RPAP2: variants seen among roughly 807,000 people sequenced by gnomAD.
The protein encoded by RPAP2 is putative RNA polymerase II subunit B1 CTD phosphatase RPAP2.
Under a neutral mutation model 73.1 loss-of-function variants are expected in RPAP2, and 52 were observed. The observed-to-expected ratio is 0.71, with a 90% CI of 0.57 to 0.90. RPAP2 has a LOEUF of 0.90. Ranked by LOEUF, RPAP2 falls within the 40% of genes least tolerant of loss-of-function variation. The probability of loss-of-function intolerance (pLI) is 0.00; values close to 1 mark genes in which losing one functional copy is unlikely to be tolerated. For synonymous variants in RPAP2, 225 were observed against 242.1 expected (o/e 0.93, Z 0.65); for missense variants, 598 against 701.8 (o/e 0.85, Z 1.67).
rs568819573 is a variant in RPAP2, at chr1:92,325,834, A to G, written c.1455+1459A>G. ...CTTGGTGTCCAGTTTATTTCATGCA[A>G]TATTATACTTTTGAGTCATTTGTGT... On this transcript the variant is annotated intron_variant, in intron 8 of 12. Transcript: ENST00000610020. 1.4e-3 allele frequency among the ~76,000 whole-genome samples: 219 copies of G among 152,076 alleles called. 1 individual carries two copies. The highest frequency in any genetic ancestry group is 0.01 in the South Asian group (50 of 4,814).
intron 8 of RPAP2, among the ~76,000 whole-genome samples, chr1:92,329,985 A>G (rs1303192818): frequency 6.6e-6 from 1 of 152,242 alleles, no homozygotes; most frequent in African/African-American, 2.4e-5. Flanking sequence ...TACACTAATC[A>G]TAGTTTGAGA....
chr1:92,373,295 A>C (rs1193685221), intron 11 of RPAP2, among the ~76,000 whole-genome samples: 1 of 152,218 alleles, frequency 6.6e-6, no homozygotes, highest in African/African-American at 2.4e-5. Context: ...CCTCTAAAGA[A>C]GCCTCTAAAG....
chr1:92,299,260 C>T (rs1452118133), intron 1 of RPAP2, 114 bp downstream of exon 1: 1 of 550,184 alleles, frequency 1.8e-6, no homozygotes. Flanking sequence ...GAGGGGTTCT[C>T]CCAGGTAGAG....
chr1:92,339,150 C>T (rs1388591727), intron 10 of RPAP2, among the ~76,000 whole-genome samples: 1 of 151,942 alleles, frequency 6.6e-6, no homozygotes, highest in African/African-American at 2.4e-5. Flanking sequence ...TTTGATGTCT[C>T]TTTTTTAAAA....
chr1:92,362,118 A>T (rs1654757919), intron 11 of RPAP2, among the ~76,000 whole-genome samples: 1 of 152,230 alleles, frequency 6.6e-6, no homozygotes, highest in African/African-American at 2.4e-5. Flanking sequence ...ATAGCCTTGC[A>T]AACTTAAATG....
rs112339166 is a variant in RPAP2 at position 92,303,795 on chromosome 1, A to C, written c.235-182A>C. On this transcript the variant is annotated intron_variant, in intron 3 of 12. Coordinates refer to ENST00000610020, the MANE Select transcript of RPAP2 (RefSeq NM_024813.3). ...ATAACTTTTTTTTTGAATGCTCACT[A>C]TATGTTGAGCACTTCTCTAAGTGAT... 7.8e-3 allele frequency among the ~76,000 whole-genome samples: 1,183 copies of C among 152,204 alleles called. 6 individuals are homozygous for C. The highest frequency in any genetic ancestry group is 0.027 in the African/African-American group (1,134 of 41,534).
At chr1:92,335,752 A>G (rs61410146) in intron 9 of RPAP2, among the ~76,000 whole-genome samples, 5,626 of 152,254 alleles carry the variant, frequency 0.037, 266 homozygotes, top group African/African-American at 0.11. Context: ...TTAAATGGGT[A>G]TAGCATAATT....
intron 11 of RPAP2, among the ~76,000 whole-genome samples, chr1:92,372,749 A>T (rs952772897): frequency 1.1e-4 from 17 of 152,124 alleles, no homozygotes; most frequent in African/African-American, 3.4e-4. Context: ...CACTAAAAAA[A>T]TTTTTTTAAA....
chr1:92,320,156 AACTTTATTGG>A (rs763073684), intron 6 of RPAP2, among the ~76,000 whole-genome samples: 21 of 152,176 alleles, frequency 1.4e-4, no homozygotes, highest in Non-Finnish European at 2.9e-4. Context: ...AGTCAAGGAA[AACTTTATTGG>A]GCTGGTGGAA....
chr1:92,321,965 A>G (rs1329295086), intron 7 of RPAP2, among the ~76,000 whole-genome samples: 1 of 144,978 alleles, frequency 6.9e-6, no homozygotes, highest in African/African-American at 2.5e-5. Context: ...TTTTTTTTCA[A>G]GACAGAGTCT....
chr1:92,313,198 A>T (rs1361896285), intron 6 of RPAP2, among the ~76,000 whole-genome samples: 1 of 152,170 alleles, frequency 6.6e-6, no homozygotes, highest in Non-Finnish European at 1.5e-5. Context: ...TAGAATGGTG[A>T]ATCCTTTCGT....
chr1:92,361,122 T>C (rs963302700), intron 11 of RPAP2, among the ~76,000 whole-genome samples: 21 of 150,004 alleles, frequency 1.4e-4, no homozygotes, highest in African/African-American at 4.6e-4. Flanking sequence ...CACACATATA[T>C]ATATATATAC....
chr1:92,382,444 T>G (rs1655684566), intron 12 of RPAP2, among the ~76,000 whole-genome samples: 1 of 152,162 alleles, frequency 6.6e-6, no homozygotes, highest in South Asian at 2.1e-4. Context: ...GTTTCCTGAC[T>G]TTTTAATGAT....
chr1:92,312,894 T>C (rs185656038), intron 6 of RPAP2, among the ~76,000 whole-genome samples: 1 of 151,880 alleles, frequency 6.6e-6, no homozygotes, highest in Non-Finnish European at 1.5e-5. Flanking sequence ...CGATCTTGGC[T>C]CACTACAACC....
rs1248156820 is a variant in RPAP2, at chr1:92,389,018, C to T, written c.*2007C>T. 3 of 152,420 alleles carry T rather than the reference C, an allele frequency of 2.0e-5. No homozygotes were observed. The highest frequency in any genetic ancestry group is 7.2e-5 in the African/African-American group (3 of 41,574). The allele number at this position is 152,420 out of a possible 1,614,324, so 9.4% of individuals were successfully genotyped here. Reference sequence around the variant, plus strand: ...TCCAGACTTAAACGTCCCTGCCTGACAGCTCTGAAGAGAGCAGTGGTTCTC... The same window carrying T: ...TCCAGACTTAAACGTCCCTGCCTGATAGCTCTGAAGAGAGCAGTGGTTCTC... On this transcript the variant is annotated 3_prime_UTR_variant, in exon 13 of 13. Coordinates refer to ENST00000610020, the MANE Select transcript of RPAP2 (RefSeq NM_024813.3).
intron 12 of RPAP2, among the ~76,000 whole-genome samples, chr1:92,384,246 G>A (rs1027930828): frequency 6.6e-5 from 10 of 151,944 alleles, no homozygotes; most frequent in East Asian, 3.9e-4. Context: ...GTGAGCCACC[G>A]TGCCTGGCCT....
At chr1:92,358,921 A>G (rs1197589763) in intron 11 of RPAP2, among the ~76,000 whole-genome samples, 1 of 152,108 alleles carries the variant, frequency 6.6e-6, no homozygotes, top group Non-Finnish European at 1.5e-5. Context: ...ACAAAACAGA[A>G]AAAACAAATA....
chr1:92,338,001 G>C (rs1300511358), intron 10 of RPAP2, among the ~76,000 whole-genome samples: 1 of 152,006 alleles, frequency 6.6e-6, no homozygotes, highest in East Asian at 1.9e-4. Flanking sequence ...TTCAATGTTT[G>C]TATTAACTAT....
Position 92,324,129 on chromosome 1 carries a change from T to G in RPAP2, c.1209T>G (p.Val403=), listed in dbSNP as rs1652485881. Residue 403 remains valine, a synonymous_variant, in exon 8 of 13, where the codon GTT becomes GTG. Transcript: ENST00000610020. ...GTCTGAAACCCGAAGCCTCTCTGGT[T>G]AAAGAAGAACTTGATGAAGATGACA... The part of the protein sequence containing the change: ...SVCLKPEASL[V]KEELDEDDII... 3.1e-6 allele frequency: 5 copies of G among 1,614,024 alleles called. No individual in the cohort carries two copies. Among genetic ancestry groups the G allele is most frequent in the Non-Finnish European group, 4.2e-6 (5 of 1,180,008 alleles).
Sources: allele counts gnomAD v4.1 joint callset (sites outside exome capture counted in the v4.1 genomes callset), GRCh38; gene constraint gnomAD v4.1.1; transcripts MANE v1.5; gene names NCBI Gene and HGNC (gene_info 2026-07-23, HGNC 2026-07-21).